The following XKR6 variants were observed in gnomAD, a reference collection of about 807,000 sequenced individuals.
XKR6 encodes XK-related protein 6.
XKR6 carries 22 observed loss-of-function variants against 56.7 expected under a neutral mutation model. The observed-to-expected ratio is 0.39, with a 90% confidence interval of 0.28 to 0.55. XKR6 has a LOEUF of 0.55. Among genes scored for constraint, XKR6 ranks in the 20% least tolerant of loss-of-function variants. The pLI, the probability that XKR6 is intolerant of heterozygous loss-of-function variation, is 0.66. For missense variants in XKR6, 852 were observed against 889.0 expected (o/e 0.96, Z 0.53); for synonymous variants, 524 against 387.8 (o/e 1.35, Z -4.13).
At chr8:11,164,968 T>C (rs946365956) in intron 1 of XKR6, among the ~76,000 whole-genome samples, 2 of 152,146 alleles carry the variant, frequency 1.3e-5, no homozygotes, top group Admixed American at 6.5e-5. Context: ...AAAGGAGATA[T>C]GTGCTTAAGT....
intron 1 of XKR6, among the ~76,000 whole-genome samples, chr8:11,063,610 T>G (rs1384012187): frequency 6.6e-6 from 1 of 151,946 alleles, no homozygotes; most frequent in African/African-American, 2.4e-5. Flanking sequence ...AGCACAAACA[T>G]GTATATGCAA....
At chr8:10,966,962 G>A (rs1052478686) in intron 1 of XKR6, among the ~76,000 whole-genome samples, 3 of 152,138 alleles carry the variant, frequency 2.0e-5, no homozygotes, top group Non-Finnish European at 4.4e-5. Context: ...TACGAAGCTT[G>A]AGAACCATGG....
At chr8:10,899,465 C>G (rs1249257349) in intron 2 of XKR6, among the ~76,000 whole-genome samples, 1 of 152,210 alleles carries the variant, frequency 6.6e-6, no homozygotes, top group East Asian at 1.9e-4. Flanking sequence ...CTTTCCTGAA[C>G]CTTCTTCCAG....
At chr8:11,076,523 G>C (rs1401356236) in intron 1 of XKR6, among the ~76,000 whole-genome samples, 1 of 152,228 alleles carries the variant, frequency 6.6e-6, no homozygotes, top group African/African-American at 2.4e-5. Context: ...AGTCAGGCCA[G>C]GGACTAGGTG....
intron 1 of XKR6, among the ~76,000 whole-genome samples, chr8:11,147,860 C>T (rs750673313): frequency 1.1e-4 from 16 of 152,066 alleles, no homozygotes; most frequent in Non-Finnish European, 2.1e-4. Context: ...AGGCCTAATT[C>T]CCAGTATCTC....
At chr8:11,168,268 T>C (rs938857175) in intron 1 of XKR6, among the ~76,000 whole-genome samples, 1 of 152,216 alleles carries the variant, frequency 6.6e-6, no homozygotes, top group African/African-American at 2.4e-5. Flanking sequence ...AAAGCAACTT[T>C]CTTAAATATG....
In XKR6 at chr8:11,184,246, T is replaced by C. The variant is rs184740551; in HGVS notation, c.764+16330A>G. ...ACTTATTAGCCACACAGGTCACAGA[T>C]TTTGGCTTTTTAAGAAGAAACAAGA... On this transcript the variant is annotated intron_variant, in intron 1 of 2. Coordinates refer to ENST00000416569, the MANE Select transcript of XKR6 (RefSeq NM_173683.4). 5.3e-5 allele frequency among the ~76,000 whole-genome samples: 8 copies of C among 152,252 alleles called. No individual in the cohort carries two copies. In the East Asian group the frequency reaches 1.5e-3, roughly 29 times the overall value.
chr8:10,956,782 A>AT (rs1801903082), intron 1 of XKR6, among the ~76,000 whole-genome samples: 1 of 152,152 alleles, frequency 6.6e-6, no homozygotes, highest in Non-Finnish European at 1.5e-5. Context: ...GTGAGGACAG[A>AT]AGGGGATTGA....
chr8:10,968,191 A>T (rs1802287882), intron 1 of XKR6, among the ~76,000 whole-genome samples: 1 of 151,968 alleles, frequency 6.6e-6, no homozygotes, highest in African/African-American at 2.4e-5. Flanking sequence ...CTGGTGTTTG[A>T]ACCGGATCTC....
chr8:10,955,247 A>G (rs1801847960), intron 1 of XKR6, among the ~76,000 whole-genome samples: 2 of 152,158 alleles, frequency 1.3e-5, no homozygotes, highest in Admixed American at 6.5e-5. Context: ...ATTGCTGCTC[A>G]CTGCAGTCTT....
At chr8:10,926,259 T>C (rs10086521) in intron 1 of XKR6, among the ~76,000 whole-genome samples, 105,428 of 152,102 alleles carry the variant, frequency 0.69, 38,523 homozygotes, top group African/African-American at 0.92. Flanking sequence ...GGAGGGATGC[T>C]GGAGTCTCCT....
At chr8:10,951,169 C>A (rs2129126990) in intron 1 of XKR6, among the ~76,000 whole-genome samples, 1 of 152,314 alleles carries the variant, frequency 6.6e-6, no homozygotes, top group South Asian at 2.1e-4. Context: ...CAGGTCCCTG[C>A]CCTTGGAACT....
intron 1 of XKR6, among the ~76,000 whole-genome samples, chr8:11,112,245 A>T (rs7837031): frequency 0.04 from 6,154 of 152,298 alleles, 189 homozygotes; most frequent in Non-Finnish European, 0.063. Flanking sequence ...TGCATAACTA[A>T]AATTATAGAT....
intron 1 of XKR6, among the ~76,000 whole-genome samples, chr8:10,933,377 GC>G (rs1801120462): frequency 9.9e-6 from 1 of 100,810 alleles, no homozygotes; most frequent in Non-Finnish European, 2.1e-5. Context: ...AGTTTCTTCT[GC>G]TGTGCAGAAG....
chr8:10,910,433 C>T (rs747221387), intron 2 of XKR6, among the ~76,000 whole-genome samples: 1 of 152,180 alleles, frequency 6.6e-6, no homozygotes, highest in Non-Finnish European at 1.5e-5. Context: ...TGCATCTCTC[C>T]AGCTCTGATA....
At chr8:11,091,164 T>C (rs1798056097) in intron 1 of XKR6, among the ~76,000 whole-genome samples, 1 of 152,142 alleles carries the variant, frequency 6.6e-6, no homozygotes, top group African/African-American at 2.4e-5. Context: ...GGAGTGGTGG[T>C]TCATACCTGT....
intron 1 of XKR6, among the ~76,000 whole-genome samples, chr8:11,054,081 C>T (rs1799621020): frequency 6.6e-6 from 1 of 152,092 alleles, no homozygotes; most frequent in Middle Eastern, 3.2e-3. Flanking sequence ...GGTAGGAATG[C>T]TGGGTGGGGA....
chr8:10,980,084 G>C (rs1008505102), intron 1 of XKR6, among the ~76,000 whole-genome samples: 1 of 152,264 alleles, frequency 6.6e-6, no homozygotes, highest in African/African-American at 2.4e-5. Context: ...CTTGGAATGA[G>C]ATGCTCTATG....
At position 11,200,554 on chromosome 8, in the gene XKR6, C is replaced by G; in HGVS notation, c.764+22G>C. The G allele has an allele frequency of 2.1e-6, 3 of 1,443,016 alleles. No individual in the cohort carries two copies. The highest frequency in any genetic ancestry group is 3.0e-5 in the South Asian group (2 of 67,088). 89.4% of individuals were successfully genotyped at this position (1,443,016 alleles called of 1,614,324 possible). The stretch of plus-strand genomic sequence containing the variant: ...GGGGGGCTCCTCAGGGCCGGCCCGC[C>G]CCCACCCCGCAGTGCTCTTACCTCC... On this transcript the variant is annotated intron_variant, in intron 1 of 2. Coordinates refer to ENST00000416569, the MANE Select transcript of XKR6 (RefSeq NM_173683.4). The surrounding 1 kb of genome is among the most constrained non-coding windows in gnomAD (Gnocchi z 6.4).
Sources: gnomAD v4.1 joint callset for allele counts (sites outside exome capture counted in the v4.1 genomes callset) on GRCh38, gnomAD v4.1.1 for gene constraint, Gnocchi (gnomAD v3.1) non-coding constraint, MANE v1.5 for transcripts, NCBI Gene and HGNC (gene_info 2026-07-23, HGNC 2026-07-21) for gene names.